SLC28A1: variants seen among roughly 807,000 people sequenced by gnomAD.
SLC28A1 encodes solute carrier family 28 member 1.
Under a neutral mutation model 74.8 loss-of-function variants are expected in SLC28A1, and 64 were observed. The observed-to-expected ratio is 0.86, with a 90% CI of 0.70 to 1.05. SLC28A1 has a LOEUF of 1.05. SLC28A1 is among the 50% of genes least tolerant of loss of function. The probability of loss-of-function intolerance (pLI) is 0.00; values close to 1 mark genes in which losing one functional copy is unlikely to be tolerated. For synonymous variants in SLC28A1, 359 were observed against 335.0 expected, an observed-to-expected ratio of 1.07 and a Z score of -0.78; for missense variants, 828 against 822.8, an observed-to-expected ratio of 1.01 and a Z score of -0.08.
chr15:84,955,993 C>G, the SLC28A1 span, among the ~76,000 whole-genome samples: 2 of 152,172 alleles, frequency 1.3e-5, no homozygotes, highest in South Asian at 4.1e-4. Flanking sequence ...ACAACAGATA[C>G]TTGATTTTTA....
chr15:84,896,664 T>C (rs1210486451), intron 6 of SLC28A1, among the ~76,000 whole-genome samples: 1 of 151,942 alleles, frequency 6.6e-6, no homozygotes. Flanking sequence ...ATACAAAAAT[T>C]AGCCAGGCAT....
chr15:84,886,111 G>T, intron 1 of SLC28A1: 12 of 984,588 alleles, frequency 1.2e-5, no homozygotes, highest in Non-Finnish European at 1.4e-5. Context: ...TCAGCCCTTC[G>T]CTTTGCACAC....
At chr15:84,934,808 G>A (rs1369737204) in intron 13 of SLC28A1, among the ~76,000 whole-genome samples, 1 of 152,138 alleles carries the variant, frequency 6.6e-6, no homozygotes, top group Admixed American at 6.5e-5. Flanking sequence ...CTCCTGTCAT[G>A]TGTGGCTGAT....
the SLC28A1 span, among the ~76,000 whole-genome samples, chr15:84,957,380 C>G: frequency 6.6e-6 from 1 of 152,190 alleles, no homozygotes; most frequent in African/African-American, 2.4e-5. Flanking sequence ...GATTCTTGTG[C>G]CTCAGCCTCC....
chr15:84,955,787 A>C, the SLC28A1 span, among the ~76,000 whole-genome samples: 1 of 152,130 alleles, frequency 6.6e-6, no homozygotes, highest in Non-Finnish European at 1.5e-5. Context: ...CTGCACTCCT[A>C]TCAGGGTTGT....
At chr15:84,932,637 G>A in intron 12 of SLC28A1, among the ~76,000 whole-genome samples, 1 of 152,158 alleles carries the variant, frequency 6.6e-6, no homozygotes, top group Non-Finnish European at 1.5e-5. Flanking sequence ...CCTACACTAA[G>A]GTGGAATTGG....
intron 11 of SLC28A1, among the ~76,000 whole-genome samples, chr15:84,923,282 AT>A (rs1970072478): frequency 6.6e-6 from 1 of 152,010 alleles, no homozygotes; most frequent in African/African-American, 2.4e-5. Context: ...TATCACACAT[AT>A]CTTCATAGCT....
chr15:84,890,393 C>G, intron 4 of SLC28A1, 50 bp from the exon 5 acceptor site: 1 of 1,352,494 alleles, frequency 7.4e-7, no homozygotes, highest in Non-Finnish European at 1.0e-6. Flanking sequence ...GGATCTCCCC[C>G]AGATGGGGTC....
chr15:84,972,871 A>G, the SLC28A1 span, among the ~76,000 whole-genome samples: 12,948 of 152,260 alleles, frequency 0.085, 996 homozygotes, highest in East Asian at 0.29. Context: ...TGAAAAATAG[A>G]TCTCTCTTTT....
chr15:84,908,888 G>A, intron 9 of SLC28A1, 93 bp downstream of exon 9: 1 of 1,018,646 alleles, frequency 9.8e-7, no homozygotes, highest in Middle Eastern at 3.0e-4. Flanking sequence ...GGCCCAGGTG[G>A]AGGGGAGGAG....
chr15:84,928,598 CTTTCTTT>C (rs1567172638), intron 12 of SLC28A1, among the ~76,000 whole-genome samples: 13 of 13,856 alleles, frequency 9.4e-4, no homozygotes, highest in Non-Finnish European at 1.2e-3. Flanking sequence ...TTCTTTCTTT[CTTTCTTT>C]TCTTTCTTTC....
At chr15:84,939,419 G>A (rs1270131636) in intron 15 of SLC28A1, among the ~76,000 whole-genome samples, 1 of 152,178 alleles carries the variant, frequency 6.6e-6, no homozygotes, top group Non-Finnish European at 1.5e-5. Context: ...GAGGGAGCCT[G>A]GGGCTGCTCT....
At chr15:84,950,461 G>C (rs2079382116), downstream of SLC28A1, among the ~76,000 whole-genome samples, 3 of 151,320 alleles carry the variant, frequency 2.0e-5, no homozygotes, top group South Asian at 6.3e-4. Flanking sequence ...CGGTAGCTCA[G>C]GCCTGTAATC....
At chr15:84,958,568 G>A in the SLC28A1 span, among the ~76,000 whole-genome samples, 1 of 151,970 alleles carries the variant, frequency 6.6e-6, no homozygotes, top group Non-Finnish European at 1.5e-5. Flanking sequence ...TTGTTTGTTT[G>A]TTTGAGGCAG....
At chr15:84,940,139 T>C (rs1972477639) in intron 15 of SLC28A1, among the ~76,000 whole-genome samples, 1 of 152,196 alleles carries the variant, frequency 6.6e-6, no homozygotes, top group East Asian at 1.9e-4. Flanking sequence ...CAGTGGTGTT[T>C]AGTTAACAAA....
the SLC28A1 span, among the ~76,000 whole-genome samples, chr15:84,959,057 G>A: frequency 5.3e-5 from 7 of 131,744 alleles, no homozygotes; most frequent in Non-Finnish European, 7.8e-5. Context: ...CCGAGATTGC[G>A]CCATTGCACT....
At chr15:84,957,813 C>T in the SLC28A1 span, among the ~76,000 whole-genome samples, 1 of 152,132 alleles carries the variant, frequency 6.6e-6, no homozygotes. Flanking sequence ...CCTTGCATTT[C>T]CATATGAATT....
At chr15:84,950,982 G>A in the SLC28A1 span, among the ~76,000 whole-genome samples, 1 of 152,182 alleles carries the variant, frequency 6.6e-6, no homozygotes, top group Non-Finnish European at 1.5e-5. Flanking sequence ...ACAAAAACAG[G>A]AGGCCAACCT....
chr15:84,943,793 G>A (rs1206082449), intron 16 of SLC28A1, among the ~76,000 whole-genome samples: 6 of 152,106 alleles, frequency 3.9e-5, no homozygotes, highest in African/African-American at 1.4e-4. Context: ...GCCAGGCGTG[G>A]TGGTGCACGC....
Sources: allele counts gnomAD v4.1 joint callset (sites outside exome capture counted in the v4.1 genomes callset), GRCh38; gene constraint gnomAD v4.1.1; transcripts MANE v1.5; gene names NCBI Gene and HGNC (gene_info 2026-07-23, HGNC 2026-07-21).